Variants in DNAH5 observed in about 807,000 individuals in gnomAD.
The protein encoded by DNAH5 is dynein axonemal heavy chain 5.
In DNAH5, 372 loss-of-function variants were observed where a neutral mutation model predicts 518.2. The ratio of observed to expected loss-of-function variants is 0.72; its 90% confidence interval spans 0.66 to 0.78. The LOEUF is 0.78. Among genes scored for constraint, DNAH5 ranks in the 30% least tolerant of loss-of-function variants. The pLI, the probability that DNAH5 is intolerant of heterozygous loss-of-function variation, is 0.00. For synonymous variants in DNAH5, 2,039 were observed against 2,025.9 expected, an observed-to-expected ratio of 1.01 and a Z score of -0.17; for missense variants, 5,523 against 5,687.0, an observed-to-expected ratio of 0.97 and a Z score of 0.93.
chr5:13,726,727 G>C (rs1745791611), intron 70 of DNAH5, among the ~76,000 whole-genome samples: 2 of 152,260 alleles, frequency 1.3e-5, no homozygotes, highest in South Asian at 4.1e-4. Flanking sequence ...AGTGGACTTG[G>C]AGGTAGTTAC....
intron 12 of DNAH5, among the ~76,000 whole-genome samples, chr5:13,909,213 C>T (rs1466744434): frequency 1.3e-5 from 2 of 152,098 alleles, no homozygotes; most frequent in African/African-American, 4.8e-5. Context: ...GTGACTGAAA[C>T]CAAACCTTAT....
intron 47 of DNAH5, among the ~76,000 whole-genome samples, chr5:13,797,562 T>C (rs1203327811): frequency 3.3e-5 from 5 of 152,104 alleles, no homozygotes; most frequent in South Asian, 2.1e-4. Flanking sequence ...CAACAGATGC[T>C]GGAAAGGATG....
intron 41 of DNAH5, among the ~76,000 whole-genome samples, chr5:13,819,411 A>G (rs1460601284): frequency 2.6e-5 from 4 of 152,126 alleles, no homozygotes; most frequent in Non-Finnish European, 5.9e-5. Context: ...GACCAAATCC[A>G]ACACCTGCAG....
chr5:13,720,576 G>A (rs930946147), intron 71 of DNAH5, among the ~76,000 whole-genome samples: 1 of 152,056 alleles, frequency 6.6e-6, no homozygotes, highest in African/African-American at 2.4e-5. Flanking sequence ...TGGGGTCTAT[G>A]TTGCCCAAGC....
At chr5:13,783,791 A>G (rs1755554583) in intron 52 of DNAH5, among the ~76,000 whole-genome samples, 2 of 152,220 alleles carry the variant, frequency 1.3e-5, no homozygotes, top group South Asian at 4.1e-4. Flanking sequence ...CTTGGCTTCT[A>G]TCGTGCCTTG....
intron 32 of DNAH5, among the ~76,000 whole-genome samples, chr5:13,844,053 G>A (rs1196163207): frequency 2.6e-5 from 4 of 152,090 alleles, no homozygotes; most frequent in South Asian, 2.1e-4. Flanking sequence ...TAATTGCTTC[G>A]AATGGAATAG....
At chr5:13,824,410 T>A in intron 38 of DNAH5, 77 bp from the exon 39 acceptor site, 1 of 1,384,040 alleles carries the variant, frequency 7.2e-7, no homozygotes. Flanking sequence ...TGACAGAAAT[T>A]ATATTCACAA....
At position 13,714,626 on chromosome 5, in the gene DNAH5, C is replaced by A; in HGVS notation, c.12910-6G>T. The A allele has an allele frequency of 6.2e-7, 1 of 1,613,648 alleles. No individual in the cohort carries two copies. Among genetic ancestry groups the A allele is most frequent in the East Asian group, 2.2e-5 (1 of 44,832 alleles). The stretch of plus-strand genomic sequence containing the variant: ...CTGTCATAGGCAGGCAAACTCTGAA[C>A]AACAGACACCCCAGATAAGCACAGA... On this transcript the variant is annotated splice_polypyrimidine_tract_variant and splice_region_variant and intron_variant, in intron 74 of 78. Transcript: ENST00000265104.
intron 1 of DNAH5, among the ~76,000 whole-genome samples, chr5:13,971,748 G>T (rs1581076666): frequency 6.6e-6 from 1 of 152,144 alleles, no homozygotes; most frequent in African/African-American, 2.4e-5. Context: ...TTTTGTGTTG[G>T]TTGGCCTCCA....
At chr5:13,799,797 C>T (rs1172222382) in intron 47 of DNAH5, among the ~76,000 whole-genome samples, 7 of 151,910 alleles carry the variant, frequency 4.6e-5, no homozygotes, top group African/African-American at 7.3e-5. Flanking sequence ...GGATGGAACC[C>T]AAATCTAAAC....
intron 1 of DNAH5, among the ~76,000 whole-genome samples, chr5:13,973,318 T>C: frequency 6.6e-6 from 1 of 152,254 alleles, no homozygotes; most frequent in East Asian, 1.9e-4. Context: ...AAACTGACTT[T>C]GGACTCCTGC....
chr5:13,830,660 A>C lies in DNAH5; in HGVS notation c.5998T>G (p.Tyr2000Asp). ...TCTGAACAATTGAAAACCACGACGT[A>C]TTTCCCGAGGCATCGTCCCATGTCT... ...TKDMGRCLGK[Y>D]VVVFNCSDQM... The change falls in exon 36 of 79, where the codon TAC (tyrosine) becomes GAC (aspartate). Residue 2000 changes from tyrosine (Y) to aspartate (D), a missense_variant. Transcript: ENST00000265104. 6.2e-7 allele frequency: 1 copy of C among 1,614,176 alleles called. No homozygotes were observed. The highest frequency in any genetic ancestry group is 8.5e-7 in the Non-Finnish European group (1 of 1,180,034).
chr5:13,901,692 G>T (rs1774650500), intron 13 of DNAH5, 119 bp from the exon 14 acceptor site: 1 of 657,916 alleles, frequency 1.5e-6, no homozygotes. Context: ...TAATGGAAAA[G>T]AATGAGATAT....
At chr5:13,730,046 G>A (rs748223041) in intron 68 of DNAH5, among the ~76,000 whole-genome samples, 1 of 152,180 alleles carries the variant, frequency 6.6e-6, no homozygotes, top group Non-Finnish European at 1.5e-5. Flanking sequence ...AGTACTAGAT[G>A]TTTGAAGGAT....
intron 3 of DNAH5, among the ~76,000 whole-genome samples, chr5:13,927,520 T>C (rs1778010939): frequency 1.3e-5 from 2 of 151,820 alleles, no homozygotes; most frequent in South Asian, 4.1e-4. Context: ...AAAATAATAA[T>C]AATAAATAAC....
chr5:13,825,869 C>A (rs1050017676), intron 38 of DNAH5, among the ~76,000 whole-genome samples: 3 of 152,014 alleles, frequency 2.0e-5, no homozygotes, highest in South Asian at 4.1e-4. Context: ...TATGCTTTTA[C>A]CACAACAAAA....
chr5:13,801,071 C>T (rs1758675224), intron 47 of DNAH5, among the ~76,000 whole-genome samples: 1 of 152,216 alleles, frequency 6.6e-6, no homozygotes, highest in Non-Finnish European at 1.5e-5. Flanking sequence ...CTATGCCTCT[C>T]CTCCAACAAC....
chr5:13,922,214 CG>C lies in DNAH5; in HGVS notation c.552del (p.Glu185SerfsTer16), dbSNP rs1777387465. On this transcript the variant is annotated frameshift_variant, in exon 5 of 79. Coordinates refer to ENST00000265104, the MANE Select transcript of DNAH5 (RefSeq NM_001369.3). LOFTEE classifies it high-confidence loss of function. ...GCTGCGTCCTGAAGGCCCTCGAGCT[CG>C]CCCCAGCCATGGCTCGTGGCTCTGA... The part of the protein sequence containing the change: ...PALRATSHGW[G>X]ELEGLQDAAN... 6.2e-7 allele frequency: 1 copy of C among 1,613,886 alleles called. No homozygotes were observed.
intron 49 of DNAH5, 103 bp downstream of exon 49, chr5:13,793,412 A>AC: frequency 1.1e-6 from 1 of 935,652 alleles, no homozygotes; most frequent in Non-Finnish European, 1.8e-6. Context: ...CCAAGGAGCC[A>AC]CCCAGTGCTC....
Sources: allele counts gnomAD v4.1 joint callset (sites outside exome capture counted in the v4.1 genomes callset), GRCh38; gene constraint gnomAD v4.1.1; transcripts MANE v1.5; gene names NCBI Gene and HGNC (gene_info 2026-07-23, HGNC 2026-07-21).